The following CDH12 variants were observed in gnomAD, a reference collection of about 807,000 sequenced individuals.
CDH12 encodes cadherin-12.
CDH12 carries 41 observed loss-of-function variants against 74.1 expected under a neutral mutation model. That is an observed-to-expected ratio of 0.55 (90% CI 0.43 to 0.72). CDH12 has a LOEUF of 0.72. CDH12 is among the 30% of genes least tolerant of loss of function. CDH12 has a pLI of 0.00. For synonymous variants in CDH12, 399 were observed against 355.0 expected, an observed-to-expected ratio of 1.12 and a Z score of -1.39; for missense variants, 945 against 977.2, an observed-to-expected ratio of 0.97 and a Z score of 0.44.
chr5:22,031,646 A>C (rs2150173588), intron 5 of CDH12, among the ~76,000 whole-genome samples: 1 of 152,298 alleles, frequency 6.6e-6, no homozygotes, highest in South Asian at 2.1e-4. Flanking sequence ...TTTTACTTGA[A>C]CACTCAGAGG....
At chr5:22,642,772 A>T (rs889254068) in intron 1 of CDH12, among the ~76,000 whole-genome samples, 3 of 152,216 alleles carry the variant, frequency 2.0e-5, no homozygotes, top group Admixed American at 6.5e-5. Flanking sequence ...TAAAGTTTTC[A>T]AAGTTAAAGT....
intron 1 of CDH12, among the ~76,000 whole-genome samples, chr5:22,675,182 G>A (rs545886563): frequency 6.6e-6 from 1 of 152,208 alleles, no homozygotes; most frequent in East Asian, 1.9e-4. Context: ...GGTTTCGTGG[G>A]CCAGGCCCAG....
At chr5:22,064,848 C>T (rs918429753) in intron 5 of CDH12, among the ~76,000 whole-genome samples, 7 of 152,134 alleles carry the variant, frequency 4.6e-5, no homozygotes, top group East Asian at 3.9e-4. Flanking sequence ...TATTGACAGA[C>T]GTGAGATTGT....
intron 1 of CDH12, among the ~76,000 whole-genome samples, chr5:22,733,121 T>C (rs1042566969): frequency 6.6e-6 from 1 of 151,872 alleles, no homozygotes; most frequent in Non-Finnish European, 1.5e-5. Flanking sequence ...AACACAATAA[T>C]AAATACAAAT....
At chr5:22,826,725 CT>C (rs1736347618) in intron 1 of CDH12, among the ~76,000 whole-genome samples, 1 of 152,268 alleles carries the variant, frequency 6.6e-6, no homozygotes, top group South Asian at 2.1e-4. Flanking sequence ...CATTTTGCCC[CT>C]GCCCATAGAT....
chr5:22,063,167 C>T lies in CDH12; in HGVS notation c.231+15279G>A, dbSNP rs188682564. On this transcript the variant is annotated intron_variant, in intron 5 of 14. Transcript: ENST00000382254. Reference sequence around the variant, plus strand: ...ATTTCTGCAATGAAAGTGTAACTATCGTGCTACTTCTATTTTTGTCTTTCT... The same window carrying T: ...ATTTCTGCAATGAAAGTGTAACTATTGTGCTACTTCTATTTTTGTCTTTCT... Among the ~76,000 whole-genome samples, 68 of 152,192 alleles carry T rather than the reference C, an allele frequency of 4.5e-4. 1 individual carries two copies. The highest frequency in any genetic ancestry group is 1.6e-3 in the African/African-American group (65 of 41,546).
At chr5:22,786,199 C>T (rs1011604357) in intron 1 of CDH12, among the ~76,000 whole-genome samples, 3 of 152,118 alleles carry the variant, frequency 2.0e-5, no homozygotes, top group African/African-American at 7.2e-5. Context: ...TGATCCTTAG[C>T]AAACTAATGC....
intron 1 of CDH12, among the ~76,000 whole-genome samples, chr5:22,747,122 G>A (rs1002943713): frequency 6.6e-6 from 1 of 151,972 alleles, no homozygotes; most frequent in African/African-American, 2.4e-5. Flanking sequence ...AATTGAATAT[G>A]GGTAAAAATT....
At chr5:22,722,836 A>T (rs916834846) in intron 1 of CDH12, among the ~76,000 whole-genome samples, 2 of 152,192 alleles carry the variant, frequency 1.3e-5, no homozygotes, top group Non-Finnish European at 1.5e-5. Flanking sequence ...TTGGTGCTAA[A>T]TTTGTGTTTC....
At chr5:21,970,422 T>C (rs1463309566) in intron 6 of CDH12, among the ~76,000 whole-genome samples, 9 of 152,184 alleles carry the variant, frequency 5.9e-5, no homozygotes, top group African/African-American at 2.2e-4. Flanking sequence ...ATGGCATTTT[T>C]GTGAAAATAA....
chr5:22,061,118 G>A (rs1741159750), intron 5 of CDH12, among the ~76,000 whole-genome samples: 2 of 152,134 alleles, frequency 1.3e-5, no homozygotes, highest in Admixed American at 6.6e-5. Context: ...CTTTAATAAT[G>A]AGTATAAGTA....
Position 22,316,868 on chromosome 5 carries a change from T to C in CDH12, c.-333+88389A>G, listed in dbSNP as rs577122140. On this transcript the variant is annotated intron_variant, in intron 3 of 14. Transcript: ENST00000382254. ...TTCCAGAAACTAGGAATGGGTTACA[T>C]AATTTATTATTTTTCCCTCTGCTCT... is the stretch of plus-strand genomic sequence containing the variant. Among the ~76,000 whole-genome samples, 8 of 152,260 alleles carry C rather than the reference T, an allele frequency of 5.3e-5. 1 individual carries two copies. The East Asian group carries it at 1.5e-3, about 29-fold the overall frequency.
chr5:21,938,026 C>T (rs925287679), intron 6 of CDH12, among the ~76,000 whole-genome samples: 2 of 152,158 alleles, frequency 1.3e-5, no homozygotes, highest in Non-Finnish European at 2.9e-5. Flanking sequence ...CTTTGATAGA[C>T]AACCCCACAT....
chr5:22,099,823 C>T (rs1025865245), intron 4 of CDH12, among the ~76,000 whole-genome samples: 2 of 152,252 alleles, frequency 1.3e-5, no homozygotes, highest in South Asian at 2.1e-4. Context: ...AATTCTTAGA[C>T]CTTTAATACC....
intron 2 of CDH12, among the ~76,000 whole-genome samples, chr5:22,482,735 T>C (rs1176700725): frequency 6.6e-6 from 1 of 152,182 alleles, no homozygotes; most frequent in Admixed American, 6.5e-5. Context: ...TCTGTTTTAC[T>C]CACTATCGTA....
intron 1 of CDH12, among the ~76,000 whole-genome samples, chr5:22,658,137 G>GT (rs1385652464): frequency 6.6e-6 from 1 of 152,084 alleles, no homozygotes; most frequent in East Asian, 1.9e-4. Context: ...TAATTTGTGG[G>GT]CAAAGTTTTT....
chr5:22,255,997 A>G (rs1753301240), intron 3 of CDH12, among the ~76,000 whole-genome samples: 1 of 152,070 alleles, frequency 6.6e-6, no homozygotes, highest in African/African-American at 2.4e-5. Flanking sequence ...AACGACCTCT[A>G]AATGCATACA....
intron 7 of CDH12, among the ~76,000 whole-genome samples, chr5:21,849,412 G>A (rs1362707550): frequency 6.6e-6 from 1 of 151,850 alleles, no homozygotes; most frequent in Non-Finnish European, 1.5e-5. Flanking sequence ...ATTGCCTGCA[G>A]TGCATTCCTG....
chr5:22,154,050 T>C (rs944413271), intron 4 of CDH12, among the ~76,000 whole-genome samples: 2 of 149,782 alleles, frequency 1.3e-5, no homozygotes, highest in African/African-American at 4.9e-5. Context: ...CAATTATTAT[T>C]ATTATTTTAG....
Sources: gnomAD v4.1 joint callset for allele counts (sites outside exome capture counted in the v4.1 genomes callset) on GRCh38, gnomAD v4.1.1 for gene constraint, MANE v1.5 for transcripts, NCBI Gene and HGNC (gene_info 2026-07-23, HGNC 2026-07-21) for gene names.